Variants in CHST9 observed in about 807,000 individuals in gnomAD.
The protein encoded by CHST9 is GalNAc-4-sulfotransferase 2.
Under a neutral mutation model 44.4 loss-of-function variants are expected in CHST9, and 41 were observed. The observed-to-expected ratio is 0.92, with a 90% confidence interval of 0.72 to 1.20. CHST9 has a LOEUF of 1.20. Ranked by LOEUF, CHST9 falls within the 50% of genes most tolerant of loss-of-function variation. The pLI, the probability that CHST9 is intolerant of heterozygous loss-of-function variation, is 0.00. For synonymous variants in CHST9, 171 were observed against 178.4 expected (o/e 0.96, Z 0.33); for missense variants, 504 against 516.5 (o/e 0.98, Z 0.23).
intron 2 of CHST9, among the ~76,000 whole-genome samples, chr18:27,085,045 A>C (rs2057998727): frequency 1.3e-5 from 2 of 152,086 alleles, no homozygotes; most frequent in African/African-American, 4.8e-5. Context: ...CTTATTGGGA[A>C]TTGCTTTATG....
chr18:26,966,633 A>C (rs2056468776), intron 4 of CHST9, among the ~76,000 whole-genome samples: 2 of 152,192 alleles, frequency 1.3e-5, no homozygotes, highest in Admixed American at 1.3e-4. Flanking sequence ...GCTGTTTAGA[A>C]TGGTTGGACC....
At chr18:27,158,626 G>C (rs1438043394) in intron 1 of CHST9, among the ~76,000 whole-genome samples, 1 of 152,070 alleles carries the variant, frequency 6.6e-6, no homozygotes, top group Non-Finnish European at 1.5e-5. Context: ...ACCCAGTAAT[G>C]GGATGGCTGG....
chr18:27,037,473 G>A (rs568459836), intron 3 of CHST9, among the ~76,000 whole-genome samples: 95 of 152,230 alleles, frequency 6.2e-4, no homozygotes, highest in Non-Finnish European at 8.7e-4. Flanking sequence ...GAGCATCACT[G>A]GAGCTCAGGA....
intron 2 of CHST9, among the ~76,000 whole-genome samples, chr18:27,141,591 C>CAAAAAAAAAAAAAAAAAAAAAAA (rs34920055): frequency 2.0e-5 from 1 of 50,098 alleles, no homozygotes; most frequent in African/African-American, 8.8e-5. Context: ...AATCCCGACT[C>CAAAAAAAAAAAAAAAAAAAAAAA]AAAAAAAAAA....
intron 4 of CHST9, among the ~76,000 whole-genome samples, chr18:26,978,918 T>TTCCCTA (rs2145187264): frequency 6.6e-6 from 1 of 151,760 alleles, no homozygotes; most frequent in Admixed American, 6.6e-5. Flanking sequence ...CAAGGGAGAG[T>TTCCCTA]CAAGACCTTA....
chr18:27,040,039 A>G (rs1004532124), intron 3 of CHST9, among the ~76,000 whole-genome samples: 6 of 152,170 alleles, frequency 3.9e-5, no homozygotes, highest in Non-Finnish European at 7.4e-5. Context: ...GGAAAGGACT[A>G]TATCTGACTG....
At chr18:27,101,261 A>AT (rs752930593) in intron 2 of CHST9, among the ~76,000 whole-genome samples, 1 of 152,146 alleles carries the variant, frequency 6.6e-6, no homozygotes, top group Non-Finnish European at 1.5e-5. Context: ...AATATATATA[A>AT]TTTTTTTGAC....
At chr18:27,176,205 T>A (rs1287762117) in intron 1 of CHST9, among the ~76,000 whole-genome samples, 1 of 152,010 alleles carries the variant, frequency 6.6e-6, no homozygotes, top group East Asian at 1.9e-4. Flanking sequence ...TTGGTCTTTA[T>A]CTTAAGCAAA....
At chr18:27,073,626 G>A (rs1424203577) in intron 2 of CHST9, among the ~76,000 whole-genome samples, 1 of 151,972 alleles carries the variant, frequency 6.6e-6, no homozygotes. Context: ...TCGAGGGGCT[G>A]ATGCTGAGAG....
chr18:27,179,779 ACTCT>A (rs1231120315), intron 1 of CHST9, among the ~76,000 whole-genome samples: 11 of 152,090 alleles, frequency 7.2e-5, no homozygotes, highest in Admixed American at 7.2e-4. Flanking sequence ...TATTTCATGT[ACTCT>A]ATCTTCTAAC....
intron 4 of CHST9, among the ~76,000 whole-genome samples, chr18:26,965,420 A>G (rs2056451633): frequency 2.0e-5 from 3 of 152,300 alleles, no homozygotes; most frequent in Admixed American, 2.0e-4. Context: ...TTACTCCAGT[A>G]ATGTCCTGTG....
intron 3 of CHST9, among the ~76,000 whole-genome samples, chr18:27,025,169 T>C (rs1159318427): frequency 6.7e-6 from 1 of 148,246 alleles, no homozygotes; most frequent in Non-Finnish European, 1.5e-5. Context: ...TATTATATAA[T>C]ACACTTACAT....
intron 4 of CHST9, among the ~76,000 whole-genome samples, chr18:27,007,672 TAGA>T (rs1439786680): frequency 2.0e-5 from 3 of 152,178 alleles, no homozygotes; most frequent in African/African-American, 7.2e-5. Flanking sequence ...CCTATTTTTC[TAGA>T]AGGAGAGGAT....
At chr18:26,944,131 G>A (rs1023920250) in intron 5 of CHST9, among the ~76,000 whole-genome samples, 198 bp downstream of exon 5, 3 of 152,178 alleles carry the variant, frequency 2.0e-5, no homozygotes, top group African/African-American at 7.2e-5. Flanking sequence ...GGTTGGGAAG[G>A]ACTTGGCTTG....
intron 4 of CHST9, chr18:26,952,299 C>T: frequency 1.9e-6 from 1 of 519,876 alleles, no homozygotes; most frequent in Non-Finnish European, 3.9e-6. Flanking sequence ...CTTTATTTTA[C>T]AATCCCCATT....
intron 2 of CHST9, among the ~76,000 whole-genome samples, chr18:27,087,856 C>G (rs574737304): frequency 3.3e-5 from 5 of 152,288 alleles, no homozygotes; most frequent in South Asian, 4.1e-4. Context: ...TTCTCCCGTA[C>G]ACTTGTTGGT....
At chr18:26,953,999 C>T (rs547239370) in intron 4 of CHST9, among the ~76,000 whole-genome samples, 2 of 152,218 alleles carry the variant, frequency 1.3e-5, no homozygotes, top group East Asian at 1.9e-4. Context: ...TGCAAATACG[C>T]CCATTATAGA....
chr18:26,922,361 G>A (rs2055673285), intron 5 of CHST9, among the ~76,000 whole-genome samples: 1 of 152,170 alleles, frequency 6.6e-6, no homozygotes, highest in African/African-American at 2.4e-5. Flanking sequence ...CACTTAGTCT[G>A]TACTTCCTGT....
At chr18:27,015,280 T>C (rs1218086549) in intron 4 of CHST9, among the ~76,000 whole-genome samples, 1 of 151,940 alleles carries the variant, frequency 6.6e-6, no homozygotes, top group Non-Finnish European at 1.5e-5. Flanking sequence ...TAAAGAAACA[T>C]ACTTTTTATT....
Sources: allele counts gnomAD v4.1 joint callset (sites outside exome capture counted in the v4.1 genomes callset), GRCh38; gene constraint gnomAD v4.1.1; transcripts MANE v1.5; gene names NCBI Gene and HGNC (gene_info 2026-07-23, HGNC 2026-07-21).